The following ZNF804B variants were observed in gnomAD, a reference collection of about 807,000 sequenced individuals.
ZNF804B encodes zinc finger protein 804B.
ZNF804B carries 80 observed loss-of-function variants against 101.4 expected under a neutral mutation model. That is an observed-to-expected ratio of 0.79 (90% CI 0.66 to 0.95). The LOEUF (loss-of-function observed/expected upper bound fraction) is 0.95. ZNF804B is among the 40% of genes least tolerant of loss of function. The pLI is 0.00. For missense variants in ZNF804B, 1,673 were observed against 1,561.9 expected, an observed-to-expected ratio of 1.07 and a Z score of -1.20; for synonymous variants, 622 against 558.8, an observed-to-expected ratio of 1.11 and a Z score of -1.59.
chr7:88,813,346 AC>A (rs1162788480), intron 1 of ZNF804B, among the ~76,000 whole-genome samples: 2 of 151,180 alleles, frequency 1.3e-5, no homozygotes, highest in Non-Finnish European at 2.9e-5. Context: ...AGAATGGCGA[AC>A]CTGGGAGGCG....
chr7:88,864,750 TC>T (rs1338090046), intron 1 of ZNF804B, among the ~76,000 whole-genome samples: 1 of 152,116 alleles, frequency 6.6e-6, no homozygotes, highest in Non-Finnish European at 1.5e-5. Context: ...TCAGTGTTGG[TC>T]TCAGGCAGTT....
chr7:89,139,654 A>C (rs1030486088), intron 1 of ZNF804B, among the ~76,000 whole-genome samples: 1 of 152,086 alleles, frequency 6.6e-6, no homozygotes, highest in African/African-American at 2.4e-5. Context: ...CCATAAAAAA[A>C]CACTCCTCAT....
At chr7:89,143,347 G>T (rs1013866952) in intron 1 of ZNF804B, among the ~76,000 whole-genome samples, 1 of 151,798 alleles carries the variant, frequency 6.6e-6, no homozygotes, top group Admixed American at 6.6e-5. Flanking sequence ...TAGGATGGAT[G>T]GAGTTAGGGA....
intron 2 of ZNF804B, among the ~76,000 whole-genome samples, chr7:89,230,841 A>T (rs1321750954): frequency 6.6e-6 from 1 of 152,112 alleles, no homozygotes; most frequent in Non-Finnish European, 1.5e-5. Flanking sequence ...TCCAAAAACT[A>T]ATAATATGCA....
At chr7:89,185,775 G>C (rs1316862416) in intron 1 of ZNF804B, among the ~76,000 whole-genome samples, 1 of 151,882 alleles carries the variant, frequency 6.6e-6, no homozygotes, top group East Asian at 1.9e-4. Flanking sequence ...CATGAAAATC[G>C]CGTGAATCCT....
intron 1 of ZNF804B, among the ~76,000 whole-genome samples, chr7:88,815,313 C>A (rs899527437): frequency 3.4e-5 from 5 of 149,212 alleles, no homozygotes; most frequent in African/African-American, 1.2e-4. Context: ...ATAACTTGGA[C>A]AAAAGCTAGG....
intron 1 of ZNF804B, among the ~76,000 whole-genome samples, chr7:88,865,344 C>A (rs1791711000): frequency 6.6e-6 from 1 of 151,666 alleles, no homozygotes; most frequent in Admixed American, 6.6e-5. Flanking sequence ...TCAGCCTGGG[C>A]AACATAGGGA....
intron 1 of ZNF804B, among the ~76,000 whole-genome samples, chr7:88,942,037 T>A (rs550531835): frequency 1.3e-5 from 2 of 152,104 alleles, no homozygotes; most frequent in African/African-American, 4.8e-5. Context: ...CCGTTTTCTC[T>A]GAAACAGAAA....
chr7:88,851,761 G>A (rs1447267869), intron 1 of ZNF804B, among the ~76,000 whole-genome samples: 2 of 151,946 alleles, frequency 1.3e-5, no homozygotes, highest in South Asian at 2.1e-4. Context: ...ACCCTTTATA[G>A]TCAACTGTTT....
chr7:89,058,776 C>T (rs1789333466), intron 1 of ZNF804B, among the ~76,000 whole-genome samples: 1 of 152,132 alleles, frequency 6.6e-6, no homozygotes, highest in Non-Finnish European at 1.5e-5. Flanking sequence ...TCACCGCAAC[C>T]TTGACCTCCC....
intron 1 of ZNF804B, among the ~76,000 whole-genome samples, chr7:89,211,165 C>T (rs1380842524): frequency 6.6e-6 from 1 of 152,040 alleles, no homozygotes; most frequent in African/African-American, 2.4e-5. Context: ...CTGTTCATGC[C>T]CTTTGCCCAC....
intron 1 of ZNF804B, among the ~76,000 whole-genome samples, chr7:89,186,003 C>T (rs1313494511): frequency 1.1e-4 from 16 of 152,044 alleles, no homozygotes; most frequent in Non-Finnish European, 2.4e-4. Context: ...TCTATTATGG[C>T]TGCACACAGA....
At chr7:88,791,255 T>G (rs1229479922) in intron 1 of ZNF804B, among the ~76,000 whole-genome samples, 1 of 152,110 alleles carries the variant, frequency 6.6e-6, no homozygotes, top group East Asian at 1.9e-4. Context: ...GCAATGGTGT[T>G]GCTACCTGGA....
At chr7:89,018,140 C>G (rs1470506067) in intron 1 of ZNF804B, among the ~76,000 whole-genome samples, 1 of 152,008 alleles carries the variant, frequency 6.6e-6, no homozygotes, top group Non-Finnish European at 1.5e-5. Context: ...CAGTATGATG[C>G]TAGCTGTGGG....
intron 2 of ZNF804B, among the ~76,000 whole-genome samples, chr7:89,219,498 G>A (rs1235206619): frequency 4.6e-5 from 7 of 151,744 alleles, no homozygotes; most frequent in South Asian, 2.1e-4. Flanking sequence ...TATTATTAGT[G>A]TGGATATACT....
At chr7:88,955,152 T>C (rs1793286502) in intron 1 of ZNF804B, among the ~76,000 whole-genome samples, 1 of 150,592 alleles carries the variant, frequency 6.6e-6, no homozygotes, top group African/African-American at 2.4e-5. Context: ...AACTATGTGG[T>C]AAATACTTTT....
rs542441136 is a variant in ZNF804B, at chr7:88,818,468, A to G, written c.108+58384A>G. On this transcript the variant is annotated intron_variant, in intron 1 of 3. Transcript: ENST00000333190. ...ATTTTAATATACCGTTATGATGCAC[A>G]TGAAAGTAATAAAAATGTCCCACCT... Among the ~76,000 whole-genome samples, 10 of 152,324 alleles carry G rather than the reference A, an allele frequency of 6.6e-5. 1 individual carries two copies. Among genetic ancestry groups the G allele is most frequent in the Middle Eastern group, 6.8e-3 (2 of 294 alleles).
chr7:89,127,370 T>G (rs553884630), intron 1 of ZNF804B, among the ~76,000 whole-genome samples: 2 of 151,122 alleles, frequency 1.3e-5, no homozygotes, highest in Admixed American at 6.7e-5. Flanking sequence ...AAAACGGTAT[T>G]TTTTTGAACG....
At chr7:88,832,696 A>G (rs1791150681) in intron 1 of ZNF804B, among the ~76,000 whole-genome samples, 1 of 151,884 alleles carries the variant, frequency 6.6e-6, no homozygotes, top group African/African-American at 2.4e-5. Flanking sequence ...TTGGCCGAAG[A>G]TGTGTTTGGT....
Sources: allele counts gnomAD v4.1 joint callset (sites outside exome capture counted in the v4.1 genomes callset), GRCh38; gene constraint gnomAD v4.1.1; transcripts MANE v1.5; gene names NCBI Gene and HGNC (gene_info 2026-07-23, HGNC 2026-07-21).